IL7: variants seen among roughly 807,000 people sequenced by gnomAD.
The protein encoded by IL7 is interleukin 7, also known as interleukin-7.
In IL7, 3 loss-of-function variants were observed where a neutral mutation model predicts 21.6. The ratio of observed to expected loss-of-function variants is 0.14; its 90% CI spans 0.06 to 0.36. The LOEUF is 0.36. Ranked by LOEUF, IL7 falls within the 10% of genes least tolerant of loss-of-function variation. The probability of loss-of-function intolerance (pLI) is 1.00; values close to 1 mark genes in which losing one functional copy is unlikely to be tolerated. For missense variants in IL7, 175 were observed against 200.2 expected, an observed-to-expected ratio of 0.87 and a Z score of 0.76; for synonymous variants, 62 against 68.1, an observed-to-expected ratio of 0.91 and a Z score of 0.44.
chr8:78,756,787 T>A (rs1249772514), intron 2 of IL7, among the ~76,000 whole-genome samples: 1 of 151,912 alleles, frequency 6.6e-6, no homozygotes, highest in Non-Finnish European at 1.5e-5. Context: ...TTATTTTTAT[T>A]TTATTTTCCA....
chr8:78,749,575 GA>G (rs1165150280), intron 2 of IL7, among the ~76,000 whole-genome samples: 1 of 152,106 alleles, frequency 6.6e-6, no homozygotes, highest in Non-Finnish European at 1.5e-5. Context: ...TGTGGGGGTA[GA>G]AAAAATTAAA....
intron 2 of IL7, among the ~76,000 whole-genome samples, chr8:78,771,003 G>C (rs999703050): frequency 6.6e-6 from 1 of 152,014 alleles, no homozygotes; most frequent in Admixed American, 6.6e-5. Flanking sequence ...ACAACTTGCT[G>C]TCATAGAAAT....
intron 3 of IL7, among the ~76,000 whole-genome samples, chr8:78,698,085 G>T (rs943732504): frequency 1.3e-5 from 2 of 152,128 alleles, no homozygotes; most frequent in Middle Eastern, 3.2e-3. Context: ...CTTTGATCCA[G>T]CATTTTCCTC....
chr8:78,767,525 A>C (rs1586085729), intron 2 of IL7, among the ~76,000 whole-genome samples: 2 of 152,058 alleles, frequency 1.3e-5, no homozygotes, highest in East Asian at 3.8e-4. Context: ...ATTAGTATAC[A>C]TATCCACTAA....
intron 2 of IL7, among the ~76,000 whole-genome samples, chr8:78,741,567 C>A (rs941956814): frequency 6.6e-6 from 1 of 152,162 alleles, no homozygotes; most frequent in African/African-American, 2.4e-5. Flanking sequence ...AACATGTTAG[C>A]AAATTGCATG....
intron 2 of IL7, among the ~76,000 whole-genome samples, chr8:78,795,939 C>T (rs571514274): frequency 1.1e-4 from 16 of 152,094 alleles, no homozygotes; most frequent in African/African-American, 3.9e-4. Context: ...CATCATGCCA[C>T]TTCAGTATGA....
chr8:78,686,680 C>G, intron 3 of IL7: 1 of 1,351,728 alleles, frequency 7.4e-7, no homozygotes, highest in Non-Finnish European at 9.6e-7. Context: ...TAAATTTTCA[C>G]TTGTTAAGCT....
intron 2 of IL7, among the ~76,000 whole-genome samples, chr8:78,789,322 T>G (rs1298114324): frequency 6.6e-6 from 1 of 152,168 alleles, no homozygotes; most frequent in East Asian, 1.9e-4. Context: ...AACAGGAAAT[T>G]TATATTTTAC....
intron 3 of IL7, among the ~76,000 whole-genome samples, chr8:78,695,694 G>C (rs2130533398): frequency 6.6e-6 from 1 of 152,082 alleles, no homozygotes; most frequent in East Asian, 1.9e-4. Context: ...TTTTAAACCA[G>C]AAGCACCTCT....
chr8:78,724,893 A>G (rs1811313206), intron 3 of IL7, among the ~76,000 whole-genome samples: 1 of 152,048 alleles, frequency 6.6e-6, no homozygotes, highest in African/African-American at 2.4e-5. Flanking sequence ...TTATTGGCTC[A>G]GATACCATAT....
chr8:78,779,525 G>A (rs899147944), intron 2 of IL7, among the ~76,000 whole-genome samples: 28 of 151,964 alleles, frequency 1.8e-4, no homozygotes, highest in African/African-American at 6.8e-4. Flanking sequence ...TTCAGTTTAT[G>A]TGATGAATTA....
At chr8:78,772,955 C>G (rs1813006837) in intron 2 of IL7, among the ~76,000 whole-genome samples, 2 of 152,112 alleles carry the variant, frequency 1.3e-5, no homozygotes, top group South Asian at 4.1e-4. Flanking sequence ...TGGATGAGCA[C>G]CTTCGTCTTG....
chr8:78,710,816 TA>T lies in IL7; in HGVS notation n.214+10531del, dbSNP rs1196443031. Among the ~76,000 whole-genome samples the T allele has an allele frequency of 9.9e-5, 15 of 152,276 alleles. 1 individual carries two copies. In the East Asian group the frequency reaches 2.9e-3, roughly 29 times the overall value. The stretch of plus-strand genomic sequence containing the variant: ...TAATGAAGGCTGCTTTTAAGAACTT[TA>T]AATCCTCACGTAAACACCACCACCT... On this transcript the variant is annotated intron_variant and non_coding_transcript_variant, in intron 3 of 4. Transcript: ENST00000523959.
intron 4 of IL7, among the ~76,000 whole-genome samples, chr8:78,677,596 T>C (rs919542766): frequency 1.3e-5 from 2 of 152,176 alleles, no homozygotes; most frequent in African/African-American, 4.8e-5. Context: ...AAAACTAATG[T>C]ATTCTTTGTA....
chr8:78,678,507 T>C, intron 4 of IL7: 1 of 1,371,830 alleles, frequency 7.3e-7, no homozygotes, highest in Non-Finnish European at 1.0e-6. Flanking sequence ...TAAAGTTCTG[T>C]AGTCTTACCT....
At chr8:78,795,264 G>C (rs918407456) in intron 2 of IL7, among the ~76,000 whole-genome samples, 2 of 152,042 alleles carry the variant, frequency 1.3e-5, no homozygotes, top group African/African-American at 2.4e-5. Context: ...CACACTGAAT[G>C]AATGAGTAAC....
intron 2 of IL7, among the ~76,000 whole-genome samples, chr8:78,752,385 C>T (rs1812204665): frequency 6.6e-6 from 1 of 152,184 alleles, no homozygotes; most frequent in African/African-American, 2.4e-5. Flanking sequence ...AATTCACATT[C>T]CCACCAACAA....
chr8:78,697,376 G>A, intron 3 of IL7: 1 of 1,515,166 alleles, frequency 6.6e-7, no homozygotes, highest in Non-Finnish European at 9.0e-7. Flanking sequence ...AAAAAGTGAT[G>A]TTGATTAATA....
chr8:78,757,891 C>G (rs1244609051), intron 2 of IL7, among the ~76,000 whole-genome samples: 4 of 152,164 alleles, frequency 2.6e-5, no homozygotes, highest in African/African-American at 9.6e-5. Context: ...GATTGTGGGT[C>G]TTTCCCATGC....
Sources: allele counts gnomAD v4.1 joint callset (sites outside exome capture counted in the v4.1 genomes callset), GRCh38; gene constraint gnomAD v4.1.1; transcripts MANE v1.5; gene names NCBI Gene and HGNC (gene_info 2026-07-23, HGNC 2026-07-21).